ADGRL3: variants seen among roughly 807,000 people sequenced by gnomAD.
ADGRL3 encodes the protein calcium-independent alpha-latrotoxin receptor 3.
In ADGRL3, 62 loss-of-function variants were observed where a neutral mutation model predicts 153.5. That is an observed-to-expected ratio of 0.40 (90% CI 0.33 to 0.50). The LOEUF (loss-of-function observed/expected upper bound fraction) is 0.50. Among genes scored for constraint, ADGRL3 ranks in the 20% least tolerant of loss-of-function variants. The pLI, the probability that ADGRL3 is intolerant of heterozygous loss-of-function variation, is 0.47. For missense variants in ADGRL3, 1,641 were observed against 1,859.4 expected (o/e 0.88, Z 2.16); for synonymous variants, 710 against 672.5 (o/e 1.06, Z -0.86).
chr4:61,678,802 G>A (rs2095270093), intron 6 of ADGRL3, among the ~76,000 whole-genome samples: 1 of 152,140 alleles, frequency 6.6e-6, no homozygotes, highest in Middle Eastern at 3.4e-3. Flanking sequence ...GCCTGATCGT[G>A]TCTGTTTAAA....
intron 8 of ADGRL3, among the ~76,000 whole-genome samples, chr4:61,742,275 C>A (rs116822148): frequency 0.011 from 1,631 of 151,930 alleles, 48 homozygotes; most frequent in African/African-American, 0.037. Context: ...TACTCTTCTT[C>A]TTCTTATTAT....
chr4:61,301,696 A>G (rs2150354129), intron 1 of ADGRL3, among the ~76,000 whole-genome samples: 1 of 152,326 alleles, frequency 6.6e-6, no homozygotes, highest in East Asian at 1.9e-4. Context: ...TTACTCTTCT[A>G]GAGGTGACAT....
At chr4:61,972,882 T>G (rs557268236) in intron 17 of ADGRL3, among the ~76,000 whole-genome samples, 1 of 152,220 alleles carries the variant, frequency 6.6e-6, no homozygotes, top group East Asian at 1.9e-4. Context: ...ATTAAAATAA[T>G]GCATTATTGT....
chr4:61,396,504 A>G (rs567737631), intron 2 of ADGRL3, among the ~76,000 whole-genome samples: 1 of 151,996 alleles, frequency 6.6e-6, no homozygotes, highest in Non-Finnish European at 1.5e-5. Context: ...TACTTGGTTT[A>G]CATTGGCTGA....
chr4:61,359,470 C>T (rs894627659), intron 1 of ADGRL3, among the ~76,000 whole-genome samples: 1 of 152,148 alleles, frequency 6.6e-6, no homozygotes, highest in Non-Finnish European at 1.5e-5. Flanking sequence ...CTGCAGCCGC[C>T]CATTAGCCCC....
intron 1 of ADGRL3, among the ~76,000 whole-genome samples, chr4:61,368,406 A>C (rs1203184857): frequency 6.6e-6 from 1 of 152,158 alleles, no homozygotes; most frequent in Non-Finnish European, 1.5e-5. Flanking sequence ...ATTTTTGTAT[A>C]AGGTGTAAGG....
chr4:61,700,028 A>G (rs777631938), intron 6 of ADGRL3, among the ~76,000 whole-genome samples: 1 of 152,020 alleles, frequency 6.6e-6, no homozygotes. Context: ...GGGCTCTGTA[A>G]GTTGTTATAA....
At chr4:61,765,511 G>C (rs954071285) in intron 8 of ADGRL3, among the ~76,000 whole-genome samples, 1 of 152,034 alleles carries the variant, frequency 6.6e-6, no homozygotes, top group African/African-American at 2.4e-5. Context: ...ACAGAGGACC[G>C]TAAGGGATAT....
At position 61,935,007 on chromosome 4, in the gene ADGRL3, G is replaced by A. The variant is rs2098832169; in HGVS notation, c.2280G>A (p.Glu760=). Residue 760 remains glutamate (E), a synonymous_variant, in exon 14 of 27, where the codon GAG becomes GAA. Transcript: ENST00000683033. ...TTTTGAAGACTGACATTGTCAGGGAGAATACAGACAATATTAGTAAGTGGC... is the reference window on the plus strand; with the variant it reads ...TTTTGAAGACTGACATTGTCAGGGAAAATACAGACAATATTAGTAAGTGGC... ...DNLLKTDIVR[E]NTDNIKLEVA... 1 of 1,613,482 alleles carries A rather than the reference G, an allele frequency of 6.2e-7. No individual in the cohort carries two copies. Among genetic ancestry groups the A allele is most frequent in the African/African-American group, 1.3e-5 (1 of 74,862 alleles).
intron 25 of ADGRL3, among the ~76,000 whole-genome samples, chr4:62,055,231 T>C (rs1362296572): frequency 3.3e-5 from 5 of 151,812 alleles, no homozygotes; most frequent in Non-Finnish European, 7.4e-5. Context: ...ATCTTCGGAT[T>C]TGTATGTTAA....
chr4:61,630,299 A>C (rs535857063), intron 5 of ADGRL3, among the ~76,000 whole-genome samples: 3 of 152,194 alleles, frequency 2.0e-5, no homozygotes, highest in African/African-American at 2.4e-5. Flanking sequence ...ATGTTATTAA[A>C]ATTTCATATA....
At chr4:61,948,598 G>A (rs533398370) in intron 17 of ADGRL3, among the ~76,000 whole-genome samples, 1 of 152,276 alleles carries the variant, frequency 6.6e-6, no homozygotes, top group African/African-American at 2.4e-5. Context: ...AAAGGCCAGT[G>A]GGGTTGGTTT....
At chr4:61,590,776 T>C (rs1164985581) in intron 5 of ADGRL3, among the ~76,000 whole-genome samples, 1 of 152,136 alleles carries the variant, frequency 6.6e-6, no homozygotes, top group African/African-American at 2.4e-5. Context: ...ATCTTAGAGC[T>C]GCTTCTTGAA....
intron 1 of ADGRL3, among the ~76,000 whole-genome samples, chr4:61,280,844 A>G (rs914139394): frequency 4.6e-5 from 7 of 152,190 alleles, no homozygotes; most frequent in Non-Finnish European, 8.8e-5. Flanking sequence ...GCTTTGCAAC[A>G]TTTAAAACTA....
At chr4:61,443,314 C>A (rs1306095888) in intron 2 of ADGRL3, among the ~76,000 whole-genome samples, 1 of 152,076 alleles carries the variant, frequency 6.6e-6, no homozygotes, top group South Asian at 2.1e-4. Context: ...AAGAATATTT[C>A]AGTGCTGTTT....
intron 2 of ADGRL3, among the ~76,000 whole-genome samples, chr4:61,436,396 A>C (rs1412324373): frequency 1.3e-5 from 2 of 152,182 alleles, no homozygotes; most frequent in African/African-American, 4.8e-5. Context: ...TCAGCTGAAA[A>C]CATGCATATG....
At chr4:61,407,732 A>G (rs7672850) in intron 2 of ADGRL3, among the ~76,000 whole-genome samples, 4,715 of 152,238 alleles carry the variant, frequency 0.031, 228 homozygotes, top group East Asian at 0.21. Context: ...TGAAATGTAC[A>G]TACTTTACCA....
chr4:61,457,123 T>C (rs533233775), intron 2 of ADGRL3, among the ~76,000 whole-genome samples: 79 of 152,182 alleles, frequency 5.2e-4, no homozygotes, highest in African/African-American at 1.7e-3. Flanking sequence ...ATTTCCATTA[T>C]GTTTTTTAAA....
intron 1 of ADGRL3, among the ~76,000 whole-genome samples, chr4:61,297,528 A>G (rs1033164041): frequency 3.3e-5 from 5 of 152,164 alleles, no homozygotes; most frequent in Non-Finnish European, 7.4e-5. Flanking sequence ...GAATTTCCGT[A>G]AAGTTTTAAG....
Sources: gnomAD v4.1 joint callset for allele counts (sites outside exome capture counted in the v4.1 genomes callset) on GRCh38, gnomAD v4.1.1 for gene constraint, MANE v1.5 for transcripts, NCBI Gene and HGNC (gene_info 2026-07-23, HGNC 2026-07-21) for gene names.